The following DPP6 variants were observed in gnomAD, a reference collection of about 807,000 sequenced individuals.
The protein encoded by DPP6 is dipeptidyl peptidase like 6, also known as A-type potassium channel modulatory protein DPP6.
Under a neutral mutation model 122.6 loss-of-function variants are expected in DPP6, and 69 were observed. The observed-to-expected ratio is 0.56, with a 90% CI of 0.46 to 0.69. The LOEUF (loss-of-function observed/expected upper bound fraction) is 0.69, where lower values mean the gene tolerates loss of function less well. Ranked by LOEUF, DPP6 falls within the 30% of genes least tolerant of loss-of-function variation. DPP6 has a pLI of 0.00. For synonymous variants in DPP6, 418 were observed against 433.1 expected (o/e 0.97, Z 0.43); for missense variants, 928 against 1,116.9 (o/e 0.83, Z 2.41).
chr7:154,783,166 C>A (rs1405764335), intron 10 of DPP6, among the ~76,000 whole-genome samples: 1 of 152,162 alleles, frequency 6.6e-6, no homozygotes, highest in East Asian at 1.9e-4. Flanking sequence ...CACCTGCTTT[C>A]TCCCCTAATT....
intron 16 of DPP6, among the ~76,000 whole-genome samples, chr7:154,837,346 A>G (rs1584851811): frequency 1.3e-5 from 2 of 148,614 alleles, no homozygotes; most frequent in African/African-American, 5.2e-5. Flanking sequence ...ACATGCACAC[A>G]TGCACACATG....
intron 1 of DPP6, among the ~76,000 whole-genome samples, chr7:153,890,239 C>T (rs542864850): frequency 1.3e-5 from 2 of 152,342 alleles, no homozygotes; most frequent in South Asian, 4.1e-4. Context: ...GTTCAGGGGA[C>T]TCAAAGATCT....
chr7:154,479,363 G>T (rs565473508), intron 3 of DPP6, among the ~76,000 whole-genome samples: 1 of 152,106 alleles, frequency 6.6e-6, no homozygotes, highest in South Asian at 2.1e-4. Flanking sequence ...TTCGAGACCA[G>T]CCTGGCCAAC....
chr7:154,062,016 G>GA (rs1563155466), intron 1 of DPP6, among the ~76,000 whole-genome samples: 1 of 100,916 alleles, frequency 9.9e-6, no homozygotes, highest in African/African-American at 3.9e-5. Context: ...CCCATCGCAG[G>GA]GGGGGGGAGG....
chr7:154,497,373 C>T (rs961702753), intron 3 of DPP6, among the ~76,000 whole-genome samples: 9 of 151,958 alleles, frequency 5.9e-5, no homozygotes, highest in Non-Finnish European at 1.3e-4. Context: ...TTTGGGAGGC[C>T]CAGTTGGTTG....
intron 2 of DPP6, among the ~76,000 whole-genome samples, chr7:154,459,974 C>CTTTTTTTTTTTTT (rs71184004): frequency 1.7e-5 from 1 of 58,566 alleles, no homozygotes; most frequent in Non-Finnish European, 2.9e-5. Context: ...TATTCATGTG[C>CTTTTTTTTTTTTT]TTTTTTTTTT....
rs1239102258 is a variant in DPP6 at position 154,756,802 on chromosome 7, C to A, written c.884-12615C>A. Among the ~76,000 whole-genome samples, 4 of 152,264 alleles carry A rather than the reference C, an allele frequency of 2.6e-5. No individual in the cohort carries two copies. In the East Asian group the frequency reaches 7.7e-4, roughly 29 times the overall value. The stretch of plus-strand genomic sequence containing the variant: ...TTCAGCTCGCGAGATATTCCTAGAA[C>A]AACGAGAGAAAAATGAAGGCGCATT... On this transcript the variant is annotated intron_variant, in intron 8 of 25. Coordinates refer to ENST00000377770, the MANE Select transcript of DPP6 (RefSeq NM_130797.4).
intron 7 of DPP6, among the ~76,000 whole-genome samples, chr7:154,721,504 GA>G (rs1563140265): frequency 6.6e-6 from 1 of 152,102 alleles, no homozygotes. Flanking sequence ...AAATTTACCC[GA>G]AATACATCAA....
At chr7:154,506,112 A>G (rs1335876793) in intron 3 of DPP6, among the ~76,000 whole-genome samples, 2 of 152,138 alleles carry the variant, frequency 1.3e-5, no homozygotes, top group Non-Finnish European at 2.9e-5. Flanking sequence ...AAGATTTGAA[A>G]AAGTTGATTT....
intron 1 of DPP6, among the ~76,000 whole-genome samples, chr7:154,324,639 C>G (rs771561214): frequency 1.3e-5 from 2 of 152,076 alleles, no homozygotes; most frequent in Non-Finnish European, 2.9e-5. Context: ...CCTGGCCTGA[C>G]GGGGCACCTT....
chr7:154,280,983 T>TTTTTTTTATTTA (rs576966547), intron 1 of DPP6, among the ~76,000 whole-genome samples: 4 of 142,992 alleles, frequency 2.8e-5, no homozygotes, highest in African/African-American at 1.1e-4. Context: ...TTATTTCTTA[T>TTTTTTTTATTTA]TTTATTTATT....
chr7:154,105,319 A>G (rs532671959), intron 1 of DPP6, among the ~76,000 whole-genome samples: 81 of 152,164 alleles, frequency 5.3e-4, no homozygotes, highest in Non-Finnish European at 1.1e-3. Flanking sequence ...CCAAAATGAA[A>G]AGTGTGCTGA....
At chr7:154,213,307 G>T (rs1799835429) in intron 1 of DPP6, among the ~76,000 whole-genome samples, 1 of 152,230 alleles carries the variant, frequency 6.6e-6, no homozygotes, top group Non-Finnish European at 1.5e-5. Flanking sequence ...GCAAGTATTT[G>T]ACATATATGT....
chr7:154,521,367 GT>G (rs201214693), intron 3 of DPP6, among the ~76,000 whole-genome samples: 14,299 of 143,500 alleles, frequency 0.1, 733 homozygotes, highest in Middle Eastern at 0.16. Flanking sequence ...CAAATAAATT[GT>G]TTTTTTTTTT....
chr7:153,840,813 G>A, the DPP6 span, among the ~76,000 whole-genome samples: 588 of 152,304 alleles, frequency 3.9e-3, 5 homozygotes, highest in Middle Eastern at 0.014. Context: ...ATCAGGGCAT[G>A]GGTAATATTT....
At chr7:154,884,527 A>T (rs563277604) in intron 21 of DPP6, 1 of 151,554 alleles carries the variant, frequency 6.6e-6, no homozygotes, top group East Asian at 2.0e-4. Flanking sequence ...ACACATTCAC[A>T]TTCACATGTT....
chr7:154,261,699 A>AC (rs1803031335), intron 1 of DPP6, among the ~76,000 whole-genome samples: 1 of 152,028 alleles, frequency 6.6e-6, no homozygotes, highest in African/African-American at 2.4e-5. Flanking sequence ...GCAAGAAAAA[A>AC]ACAAACAATC....
intron 5 of DPP6, among the ~76,000 whole-genome samples, chr7:154,590,573 T>TTTTTTTTTTTTTTTTGA (rs1439562735): frequency 7.1e-6 from 1 of 140,952 alleles, no homozygotes; most frequent in African/African-American, 2.7e-5. Context: ...TAACTCTTGT[T>TTTTTTTTTTTTTTTTGA]GCCCAGGCTG....
chr7:154,479,662 A>G (rs1386683184), intron 3 of DPP6, among the ~76,000 whole-genome samples: 1 of 152,022 alleles, frequency 6.6e-6, no homozygotes, highest in East Asian at 1.9e-4. Context: ...TTGCCTCTCC[A>G]AGTATTTGCT....
Sources: allele counts gnomAD v4.1 joint callset (sites outside exome capture counted in the v4.1 genomes callset), GRCh38; gene constraint gnomAD v4.1.1; transcripts MANE v1.5; gene names NCBI Gene and HGNC (gene_info 2026-07-23, HGNC 2026-07-21).